The following SHISA9 variants were observed in gnomAD, a reference collection of about 807,000 sequenced individuals.
The protein encoded by SHISA9 is shisa family member 9, also known as protein shisa-9.
In SHISA9, 13 loss-of-function variants were observed where a neutral mutation model predicts 38.0. The ratio of observed to expected loss-of-function variants is 0.34; its 90% CI spans 0.22 to 0.54. The LOEUF is 0.54. SHISA9 is among the 20% of genes least tolerant of loss of function. The pLI is 0.91. For missense variants in SHISA9, 538 were observed against 575.8 expected, an observed-to-expected ratio of 0.93 and a Z score of 0.67; for synonymous variants, 275 against 242.0, an observed-to-expected ratio of 1.14 and a Z score of -1.27.
At chr16:13,523,451 G>A in the SHISA9 span, among the ~76,000 whole-genome samples, 36 of 152,250 alleles carry the variant, frequency 2.4e-4, no homozygotes, top group Middle Eastern at 3.4e-3. Context: ...AAATACCTGA[G>A]ACTGGGTAAT....
intron 2 of SHISA9, among the ~76,000 whole-genome samples, chr16:13,153,511 C>T (rs2050517461): frequency 6.6e-6 from 1 of 152,138 alleles, no homozygotes; most frequent in Non-Finnish European, 1.5e-5. Context: ...ATCTCATGCC[C>T]ATTTCTGGAG....
At chr16:13,466,396 A>C in the SHISA9 span, among the ~76,000 whole-genome samples, 6 of 152,218 alleles carry the variant, frequency 3.9e-5, no homozygotes, top group Non-Finnish European at 7.3e-5. Context: ...TAAAATTACC[A>C]TGCCCTGTGA....
At chr16:12,935,437 G>A (rs547216789) in intron 2 of SHISA9, among the ~76,000 whole-genome samples, 3 of 152,136 alleles carry the variant, frequency 2.0e-5, no homozygotes, top group Admixed American at 6.5e-5. Context: ...ATCTGTGGGC[G>A]TGTGTTTGCT....
chr16:13,224,167 A>G (rs1228716341), intron 4 of SHISA9, among the ~76,000 whole-genome samples: 2 of 152,356 alleles, frequency 1.3e-5, no homozygotes, highest in African/African-American at 2.4e-5. Flanking sequence ...TCAGTTTGCC[A>G]TTGACAAGAG....
At chr16:13,044,952 C>T (rs1006064632) in intron 2 of SHISA9, among the ~76,000 whole-genome samples, 9 of 152,152 alleles carry the variant, frequency 5.9e-5, no homozygotes, top group South Asian at 4.1e-4. Flanking sequence ...CATTCCAGGG[C>T]GCAGCTTGGT....
chr16:13,154,475 A>G lies in SHISA9; in HGVS notation c.692-48919A>G, dbSNP rs2050525882. ...AGTTAGCCATGTGCTTTTCCCCTCC[A>G]TCATGGTGATGGGTAATGATCCAGA... On this transcript the variant is annotated intron_variant, in intron 2 of 4. Transcript: ENST00000558583. Among the ~76,000 whole-genome samples the G allele has an allele frequency of 5.3e-5, 8 of 152,308 alleles. No homozygotes were observed. In the South Asian group the frequency reaches 1.7e-3, roughly 32 times the overall value.
At chr16:13,469,350 G>GAAAAGAA in the SHISA9 span, among the ~76,000 whole-genome samples, 3 of 105,202 alleles carry the variant, frequency 2.9e-5, no homozygotes, top group Admixed American at 1.2e-4. Context: ...AAGAAAGAAA[G>GAAAAGAA]AAAGAAAGAA....
At chr16:13,150,453 GC>G (rs1293596953) in intron 2 of SHISA9, among the ~76,000 whole-genome samples, 1 of 152,066 alleles carries the variant, frequency 6.6e-6, no homozygotes, top group Non-Finnish European at 1.5e-5. Context: ...GGTAGACTTG[GC>G]CCTATTTGTC....
the SHISA9 span, among the ~76,000 whole-genome samples, chr16:13,364,601 T>C: frequency 6.6e-6 from 1 of 152,214 alleles, no homozygotes; most frequent in East Asian, 1.9e-4. Context: ...GAGAATATTT[T>C]TATTAAATAG....
chr16:13,435,784 C>T, the SHISA9 span, among the ~76,000 whole-genome samples: 1 of 152,140 alleles, frequency 6.6e-6, no homozygotes, highest in Non-Finnish European at 1.5e-5. Context: ...CAAATCCTCT[C>T]CCTGAACATA....
At chr16:13,165,051 T>C (rs2050624410) in intron 2 of SHISA9, among the ~76,000 whole-genome samples, 1 of 152,198 alleles carries the variant, frequency 6.6e-6, no homozygotes, top group African/African-American at 2.4e-5. Flanking sequence ...AGTTAAGGTA[T>C]GCCTTGGTAT....
chr16:12,984,690 G>C (rs1302417664), intron 2 of SHISA9, among the ~76,000 whole-genome samples: 1 of 152,182 alleles, frequency 6.6e-6, no homozygotes, highest in African/African-American at 2.4e-5. Context: ...AGAACCATGG[G>C]TGTCCTGATG....
the SHISA9 span, among the ~76,000 whole-genome samples, chr16:13,520,220 T>G: frequency 2.0e-5 from 3 of 152,164 alleles, no homozygotes; most frequent in Non-Finnish European, 4.4e-5. Context: ...ACTGCTAATT[T>G]TACAAACCTT....
intron 2 of SHISA9, among the ~76,000 whole-genome samples, chr16:13,186,976 A>G (rs2050830527): frequency 6.6e-6 from 1 of 152,204 alleles, no homozygotes; most frequent in African/African-American, 2.4e-5. Context: ...TCATCTGTCG[A>G]TGGACACGTG....
intron 2 of SHISA9, among the ~76,000 whole-genome samples, chr16:12,980,789 G>A (rs2072230593): frequency 6.6e-6 from 1 of 150,798 alleles, no homozygotes; most frequent in African/African-American, 2.4e-5. Flanking sequence ...CCTGAATCTT[G>A]TCTTCCAGTT....
At chr16:13,276,403 A>T in the SHISA9 span, among the ~76,000 whole-genome samples, 1 of 151,968 alleles carries the variant, frequency 6.6e-6, no homozygotes, top group Admixed American at 6.6e-5. Flanking sequence ...TTTTCGTATA[A>T]TGACTTCTTT....
At chr16:13,558,856 T>A in the SHISA9 span, among the ~76,000 whole-genome samples, 1 of 152,214 alleles carries the variant, frequency 6.6e-6, no homozygotes, top group Non-Finnish European at 1.5e-5. Flanking sequence ...GCTAGGAATG[T>A]TTTCATCACC....
chr16:12,902,166 A>G lies in SHISA9; in HGVS notation c.102A>G (p.Gln34=), dbSNP rs1315922936. The change falls in exon 1 of 5, where the codon CAA becomes CAG. Residue 34 remains glutamine, a synonymous_variant. Coordinates refer to ENST00000558583, the MANE Select transcript of SHISA9 (RefSeq NM_001145204.3). Reference sequence around the variant, plus strand: ...GAGCGGGACACGGGCAGCTGGCGCAACTGGGCGGCGTGTTGCTGCTGGCGG... The same window carrying G: ...GAGCGGGACACGGGCAGCTGGCGCAGCTGGGCGGCGTGTTGCTGCTGGCGG... ...QERAGHGQLA[Q]LGGVLLLAGG... The G allele has an allele frequency of 1.3e-6, 2 of 1,528,274 alleles. No individual in the cohort carries two copies. The highest frequency in any genetic ancestry group is 4.0e-5 in the Admixed American group (2 of 50,118). 94.7% of individuals were successfully genotyped at this position (1,528,274 alleles called of 1,614,324 possible).
chr16:12,911,739 A>G (rs2141715180), intron 1 of SHISA9: 1 of 152,284 alleles, frequency 6.6e-6, no homozygotes, highest in African/African-American at 2.4e-5. Flanking sequence ...GCTTTTGAAG[A>G]GAAGGGAGGG....
Sources: gnomAD v4.1 joint callset for allele counts (sites outside exome capture counted in the v4.1 genomes callset) on GRCh38, gnomAD v4.1.1 for gene constraint, MANE v1.5 for transcripts, NCBI Gene and HGNC (gene_info 2026-07-23, HGNC 2026-07-21) for gene names.